FAM83A: variants seen among roughly 807,000 people sequenced by gnomAD.
FAM83A encodes the protein protein FAM83A.
In FAM83A, 21 loss-of-function variants were observed where a neutral mutation model predicts 24.4. The observed-to-expected ratio is 0.86, with a 90% CI of 0.61 to 1.24. The LOEUF is 1.24. Among genes scored for constraint, FAM83A ranks in the 50% most tolerant of loss-of-function variants. FAM83A has a pLI of 0.00. For missense variants in FAM83A, 617 were observed against 579.8 expected (o/e 1.06, Z -0.66); for synonymous variants, 270 against 252.4 (o/e 1.07, Z -0.66).
exon 4 of FAM83A, chr8:123,207,310 G>T: frequency 6.2e-7 from 1 of 1,610,382 alleles, no homozygotes; most frequent in Middle Eastern, 1.7e-4. Context: ...CCCCCGTCCC[G>T]CCCGGAGCAG....
chr8:123,200,635 G>A (rs1004123697), intron 3 of FAM83A, among the ~76,000 whole-genome samples: 4 of 152,086 alleles, frequency 2.6e-5, no homozygotes, highest in African/African-American at 9.7e-5. Context: ...AGGTCAACAT[G>A]GTGAAACCCC....
At chr8:123,208,959 G>A (rs183181995) in exon 4 of FAM83A, 161 of 980,582 alleles carry the variant, frequency 1.6e-4, no homozygotes, top group Admixed American at 1.2e-3. Context: ...GCAAGACTCC[G>A]TCACAGAAAA....
chr8:123,193,893 A>T, intron 2 of FAM83A, 131 bp from the exon 3 acceptor site: 1 of 1,148,520 alleles, frequency 8.7e-7, no homozygotes, highest in Non-Finnish European at 1.2e-6. Flanking sequence ...CCCACCTTCT[A>T]GTACCGTCAC....
At chr8:123,195,065 A>G (rs114399401) in intron 3 of FAM83A, among the ~76,000 whole-genome samples, 2,145 of 152,250 alleles carry the variant, frequency 0.014, 49 homozygotes, top group African/African-American at 0.049. Context: ...GGATTTTGTG[A>G]GAGGGATGAA....
chr8:123,209,635 G>A lies in FAM83A; in HGVS notation c.*1947G>A. 6.9e-7 allele frequency: 1 copy of A among 1,450,444 alleles called. No individual in the cohort carries two copies. The highest frequency in any genetic ancestry group is 9.5e-7 in the Non-Finnish European group (1 of 1,051,786). 89.8% of individuals were successfully genotyped at this position (1,450,444 alleles called of 1,614,324 possible). On this transcript the variant is annotated 3_prime_UTR_variant, in exon 4 of 4. Transcript: ENST00000690554. This position sits in a 1 kb window ranked among gnomAD's most constrained non-coding sequence, Gnocchi z 4.7. The stretch of plus-strand genomic sequence containing the variant: ...AGGCAAAGCTTGCCAGGTCACAGAA[G>A]CTCCCAAGCCCAGCTTTCCAAAGGC...
upstream of FAM83A, among the ~76,000 whole-genome samples, chr8:123,181,110 C>A (rs1213827062): frequency 1.3e-5 from 2 of 152,056 alleles, no homozygotes; most frequent in African/African-American, 4.8e-5. Context: ...CCAGGCCCGG[C>A]TAATTTTTGT....
chr8:123,196,550 C>T (rs1318637727), intron 3 of FAM83A, among the ~76,000 whole-genome samples: 1 of 152,030 alleles, frequency 6.6e-6, no homozygotes, highest in African/African-American at 2.4e-5. Flanking sequence ...TATTTTTACT[C>T]TTTTCTTTTA....
rs1038760964 is a variant in FAM83A at position 123,209,785 on chromosome 8, C to A, written c.*2097C>A. On this transcript the variant is annotated 3_prime_UTR_variant, in exon 4 of 4. Coordinates refer to ENST00000690554, the Ensembl canonical transcript of FAM83A. The surrounding 1 kb of genome is among the most constrained non-coding windows in gnomAD (Gnocchi z 4.7). Reference sequence around the variant, plus strand: ...TCCCCTCCGTGGTCGTCTTTGTTGACAAAGGTGCAGTTTCTCCTCTCCTGG... The same window carrying A: ...TCCCCTCCGTGGTCGTCTTTGTTGAAAAAGGTGCAGTTTCTCCTCTCCTGG... 3.6e-6 allele frequency: 2 copies of A among 554,254 alleles called. No individual in the cohort carries two copies. Among genetic ancestry groups the A allele is most frequent in the South Asian group, 2.3e-5 (1 of 42,802 alleles). The allele number at this position is 554,254 out of a possible 1,614,324, so 34.3% of individuals were successfully genotyped here. A position where few individuals can be genotyped will look rare whatever the true frequency, so the allele number is the denominator to read the frequency against.
exon 1 of FAM83A, chr8:123,183,151 T>C: frequency 1.2e-6 from 2 of 1,613,268 alleles, no homozygotes; most frequent in Non-Finnish European, 1.7e-6. Context: ...GGACTCCAGC[T>C]CCCTACAGTC....
chr8:123,206,355 C>T (rs1412185730), intron 3 of FAM83A, among the ~76,000 whole-genome samples: 2 of 152,128 alleles, frequency 1.3e-5, no homozygotes, highest in African/African-American at 4.8e-5. Context: ...CTCCTCCACT[C>T]ATCCCTGCTG....
At chr8:123,207,563 C>A (rs1165411510) in exon 4 of FAM83A, 1 of 1,560,148 alleles carries the variant, frequency 6.4e-7, no homozygotes, top group Non-Finnish European at 8.6e-7. Context: ...CGACGGCCCG[C>A]CCGCCGCTGT....
intron 3 of FAM83A, among the ~76,000 whole-genome samples, chr8:123,197,382 AGT>A: frequency 6.6e-6 from 1 of 152,290 alleles, no homozygotes; most frequent in South Asian, 2.1e-4. Flanking sequence ...TCCCCATGTA[AGT>A]GCCTGTCTCA....
Position 123,183,445 on chromosome 8 carries a change from T to C in FAM83A, c.480+109T>C, listed in dbSNP as rs564881780. 3.2e-3 allele frequency: 4,727 copies of C among 1,480,306 alleles called. 19 individuals carry two copies. The highest frequency in any genetic ancestry group is 7.5e-3 in the Middle Eastern group (38 of 5,098). 91.7% of individuals were successfully genotyped at this position (1,480,306 alleles called of 1,614,324 possible). The stretch of plus-strand genomic sequence containing the variant: ...GCTCCCAGGGCGAGAGTCCAGATAA[T>C]TGGGGCTTCGGATGGAGGGGCTTTG... On this transcript the variant is annotated intron_variant, in intron 1 of 3. Coordinates refer to ENST00000690554, the Ensembl canonical transcript of FAM83A.
At chr8:123,204,928 A>G (rs1324819574) in intron 3 of FAM83A, among the ~76,000 whole-genome samples, 2 of 152,092 alleles carry the variant, frequency 1.3e-5, no homozygotes, top group African/African-American at 4.8e-5. Flanking sequence ...GCTGGCCAAG[A>G]TGGTGAAACC....
At chr8:123,197,981 T>G (rs1824217901) in intron 3 of FAM83A, among the ~76,000 whole-genome samples, 1 of 152,012 alleles carries the variant, frequency 6.6e-6, no homozygotes, top group Non-Finnish European at 1.5e-5. Context: ...AATACAAAAA[T>G]TAGCTGGGCA....
intron 2 of FAM83A, among the ~76,000 whole-genome samples, chr8:123,192,639 G>A (rs1402000662): frequency 6.6e-6 from 1 of 152,144 alleles, no homozygotes; most frequent in South Asian, 2.1e-4. Context: ...GAGTTCTTTT[G>A]ATCAGTCTCC....
At chr8:123,198,819 C>A (rs898250944) in intron 3 of FAM83A, among the ~76,000 whole-genome samples, 15 of 152,246 alleles carry the variant, frequency 9.9e-5, no homozygotes, top group Middle Eastern at 3.4e-3. Flanking sequence ...CTCACTGCAG[C>A]CTCAGCCTCC....
exon 4 of FAM83A, chr8:123,208,462 G>C (rs1824636824): frequency 1.0e-6 from 1 of 985,470 alleles, no homozygotes; most frequent in Non-Finnish European, 1.2e-6. Context: ...GTTGTCAGGG[G>C]CCAGGACTGG....
Position 123,205,017 on chromosome 8 carries a change from G to A in FAM83A, c.774-2140G>A, listed in dbSNP as rs529872544. Among the ~76,000 whole-genome samples the A allele has an allele frequency of 4.6e-5, 7 of 151,690 alleles. No individual in the cohort carries two copies. The East Asian group carries it at 1.4e-3, about 30-fold the overall frequency. The stretch of plus-strand genomic sequence containing the variant: ...AATCCCAGCTACTCTGGAGACTGAG[G>A]CAGAGAATTGCTTTAACCCAGGAGG... On this transcript the variant is annotated intron_variant, in intron 3 of 3. Coordinates refer to ENST00000690554, the Ensembl canonical transcript of FAM83A.
Sources: gnomAD v4.1 joint callset for allele counts (sites outside exome capture counted in the v4.1 genomes callset) on GRCh38, gnomAD v4.1.1 for gene constraint, Gnocchi (gnomAD v3.1) non-coding constraint, MANE v1.5 for transcripts, NCBI Gene and HGNC (gene_info 2026-07-23, HGNC 2026-07-21) for gene names.